Variants in LIG1 observed in about 807,000 individuals in gnomAD.
The protein encoded by LIG1 is DNA ligase 1.
Under a neutral mutation model 115.7 loss-of-function variants are expected in LIG1, and 70 were observed. That is an observed-to-expected ratio of 0.60 (90% confidence interval 0.50 to 0.74). The LOEUF (loss-of-function observed/expected upper bound fraction) is 0.74. Among genes scored for constraint, LIG1 ranks in the 30% least tolerant of loss-of-function variants. The pLI, the probability that LIG1 is intolerant of heterozygous loss-of-function variation, is 0.00. For synonymous variants in LIG1, 487 were observed against 495.3 expected (o/e 0.98, Z 0.22); for missense variants, 1,115 against 1,225.6 (o/e 0.91, Z 1.35).
chr19:48,141,708 A>AG (rs1190897278), intron 11 of LIG1, among the ~76,000 whole-genome samples: 1 of 152,204 alleles, frequency 6.6e-6, no homozygotes, highest in African/African-American at 2.4e-5. Context: ...TGAAAAACTT[A>AG]GGGGGCCTCA....
chr19:48,131,475 A>AT (rs752862916), intron 18 of LIG1, among the ~76,000 whole-genome samples: 8 of 151,462 alleles, frequency 5.3e-5, no homozygotes, highest in South Asian at 2.1e-4. Flanking sequence ...TCTCATTCTG[A>AT]TTTTTTTTTG....
At chr19:48,116,570 C>A (rs2032850447) in intron 26 of LIG1, among the ~76,000 whole-genome samples, 1 of 152,118 alleles carries the variant, frequency 6.6e-6, no homozygotes, top group Non-Finnish European at 1.5e-5. Context: ...GGATTCCAAT[C>A]CCAGCTCCCA....
intron 7 of LIG1, 22 bp from the exon 8 acceptor site, chr19:48,150,232 G>A (rs1215644870): frequency 6.8e-6 from 11 of 1,613,884 alleles, no homozygotes; most frequent in East Asian, 2.2e-5. Context: ...GAGCTCAGAC[G>A]GTGATGCAAA....
At chr19:48,139,738 C>G (rs2034617487) in intron 12 of LIG1, among the ~76,000 whole-genome samples, 1 of 151,966 alleles carries the variant, frequency 6.6e-6, no homozygotes, top group African/African-American at 2.4e-5. Context: ...CTTCCCTGCA[C>G]CCCACACCCC....
Position 48,143,576 on chromosome 19 carries a change from C to T in LIG1, c.881G>A (p.Arg294Gln), listed in dbSNP as rs762145736. Reference protein sequence around the residue: ...GQKVPYLAVARTFEKIEEVSA... With the variant: ...GQKVPYLAVAQTFEKIEEVSA... ...CACCTCCTCGATCTTCTCAAACGTC[C>T]GGGCCACAGCCAGGTAAGGAACCCT... Residue 294 changes from arginine to glutamine, a missense_variant, in exon 11 of 28, where the codon CGG (arginine) becomes CAG (glutamine). Arg to Gln is a conservative substitution (Grantham distance 43). Transcript: ENST00000263274. The T allele has an allele frequency of 2.0e-5, 32 of 1,601,372 alleles. No homozygotes were observed. The East Asian group carries it at 3.0e-4, about 15-fold the overall frequency.
In LIG1 at chr19:48,137,436, G is replaced by C; in HGVS notation, c.1254+86C>G. The C allele has an allele frequency of 6.5e-7, 1 of 1,535,788 alleles. No homozygotes were observed. Among genetic ancestry groups the C allele is most frequent in the Non-Finnish European group, 8.8e-7 (1 of 1,132,140 alleles). The stretch of plus-strand genomic sequence containing the variant: ...AAGGACTGATGCGACCCAGCTGATG[G>C]TCTACCCAGAAGCCTTCCTGACACA... On this transcript the variant is annotated intron_variant, in intron 13 of 27. Transcript: ENST00000263274. The surrounding 1 kb of genome is among the most constrained non-coding windows in gnomAD (Gnocchi z 4.3).
chr19:48,168,151 G>A (rs2036579796), intron 1 of LIG1, among the ~76,000 whole-genome samples: 1 of 152,156 alleles, frequency 6.6e-6, no homozygotes, highest in Admixed American at 6.5e-5. Context: ...CCCCAGGTCG[G>A]CCTGCTCCAC....
chr19:48,140,589 A>G (rs2034678161), intron 11 of LIG1, among the ~76,000 whole-genome samples: 1 of 152,192 alleles, frequency 6.6e-6, no homozygotes, highest in Non-Finnish European at 1.5e-5. Context: ...ATTTAGGTTT[A>G]GGGGTCACGC....
chr19:48,161,375 G>A lies in LIG1; in HGVS notation c.240C>T (p.Gly80=). The part of the protein sequence containing the change: ...EEDEALSPAK[G]QKPALDCSQV... ...GGGCAGGGTGATGGGGACCTACCTG[G>A]CCTTTAGCAGGGCTAAGGGCTTCAT... Residue 80 remains glycine (G), a synonymous_variant, in exon 4 of 28, where the codon GGC becomes GGT. Transcript: ENST00000263274. 6.2e-7 allele frequency: 1 copy of A among 1,614,124 alleles called. No homozygotes were observed.
chr19:48,163,321 A>C (rs2036294363), intron 2 of LIG1, among the ~76,000 whole-genome samples: 1 of 151,838 alleles, frequency 6.6e-6, no homozygotes, highest in African/African-American at 2.4e-5. Context: ...TCCCAGTTTC[A>C]AGTGTTTCTC....
chr19:48,128,077 G>A lies in LIG1; in HGVS notation c.1822-57C>T. On this transcript the variant is annotated intron_variant, in intron 19 of 27. Transcript: ENST00000263274. ...AGAGAGGTGGAAGATGAGGTGGAAA[G>A]ACAAACACGGGGAGATAAATTCCCT... 1.1e-5 allele frequency: 15 copies of A among 1,326,106 alleles called. No individual in the cohort carries two copies. The South Asian group carries it at 1.8e-4, about 16-fold the overall frequency. 82.1% of individuals were successfully genotyped at this position (1,326,106 alleles called of 1,614,324 possible).
chr19:48,125,826 A>G (rs947818027), intron 21 of LIG1, among the ~76,000 whole-genome samples: 2 of 151,098 alleles, frequency 1.3e-5, no homozygotes, highest in Non-Finnish European at 2.9e-5. Context: ...CGTCTCTACT[A>G]AAATACAAAA....
intron 5 of LIG1, among the ~76,000 whole-genome samples, chr19:48,156,774 C>G (rs529165983): frequency 6.6e-6 from 1 of 151,982 alleles, no homozygotes; most frequent in Admixed American, 6.6e-5. Context: ...AACCCCGTCT[C>G]TACTAAAAAT....
chr19:48,157,567 CAG>C (rs2035930062), intron 4 of LIG1, among the ~76,000 whole-genome samples: 3 of 152,114 alleles, frequency 2.0e-5, no homozygotes, highest in Non-Finnish European at 2.9e-5. Flanking sequence ...TTTATTGAGA[CAG>C]GGTGTCATTC....
At chr19:48,119,806 G>C (rs1009189607) in intron 24 of LIG1, among the ~76,000 whole-genome samples, 3 of 152,122 alleles carry the variant, frequency 2.0e-5, no homozygotes, top group Non-Finnish European at 4.4e-5. Flanking sequence ...GCCTCCCAAA[G>C]TGCTGGGATT....
chr19:48,127,953 T>C lies in LIG1; in HGVS notation c.1889A>G (p.Lys630Arg), dbSNP rs761267136. 6.2e-7 allele frequency: 1 copy of C among 1,614,184 alleles called. No homozygotes were observed. Among genetic ancestry groups the C allele is most frequent in the South Asian group, 1.1e-5 (1 of 91,088 alleles). Residue 630 changes from lysine to arginine, a missense_variant, in exon 20 of 28, where the codon AAG becomes AGG. Transcript: ENST00000263274. Reference protein sequence around the residue: ...TEAVAWDREKKQIQPFQVLTT... With the variant: ...TEAVAWDREKRQIQPFQVLTT... Reference sequence around the variant, plus strand: ...GAGCACTTGGAATGGCTGGATCTGCTTCTTTTCCCGGTCCCAAGCCACGGC... The same window carrying C: ...GAGCACTTGGAATGGCTGGATCTGCCTCTTTTCCCGGTCCCAAGCCACGGC...
At chr19:48,153,637 AACACACACACACACACACACACACACAC>A (rs36171813) in intron 6 of LIG1, among the ~76,000 whole-genome samples, 1 of 58,780 alleles carries the variant, frequency 1.7e-5, no homozygotes, top group Non-Finnish European at 3.1e-5. Flanking sequence ...GCAGATCCAA[AACACACACACACACACACACACACACAC>A]ACACACACAC....
chr19:48,151,583 C>T (rs2035480665), intron 6 of LIG1, among the ~76,000 whole-genome samples: 1 of 152,078 alleles, frequency 6.6e-6, no homozygotes, highest in South Asian at 2.1e-4. Context: ...GCGCCCACCA[C>T]CACATCCAGC....
At chr19:48,130,653 T>A (rs2033956576) in intron 19 of LIG1, among the ~76,000 whole-genome samples, 1 of 152,162 alleles carries the variant, frequency 6.6e-6, no homozygotes, top group South Asian at 2.1e-4. Context: ...CCAGCTGCAG[T>A]CCACGGCGGG....
Sources: allele counts gnomAD v4.1 joint callset (sites outside exome capture counted in the v4.1 genomes callset), GRCh38; gene constraint gnomAD v4.1.1; non-coding constraint Gnocchi (gnomAD v3.1); transcripts MANE v1.5; gene names NCBI Gene and HGNC (gene_info 2026-07-23, HGNC 2026-07-21).